FMR1: variants seen among roughly 807,000 people sequenced by gnomAD.
FMR1 encodes FMRP translational regulator 1.
Under a neutral mutation model 50.6 loss-of-function variants are expected in FMR1, and 13 were observed. That is an observed-to-expected ratio of 0.26 (90% CI 0.17 to 0.41). FMR1 has a LOEUF of 0.41. Ranked by LOEUF, FMR1 falls within the 10% of genes least tolerant of loss-of-function variation. The pLI, the probability that FMR1 is intolerant of heterozygous loss-of-function variation, is 1.00. For synonymous variants in FMR1, 138 were observed against 164.1 expected, an observed-to-expected ratio of 0.84 and a Z score of 1.22; for missense variants, 316 against 491.3, an observed-to-expected ratio of 0.64 and a Z score of 3.37.
At position 147,937,697 on chromosome X, in the gene FMR1, C is replaced by A. The variant is rs2043838401; in HGVS notation, c.1125+97C>A. On this transcript the variant is annotated intron_variant, in intron 11 of 16. Transcript: ENST00000370475. The stretch of plus-strand genomic sequence containing the variant: ...TGTTTTCTCTGGTTAGACTTGTAGG[C>A]TACTTATGTTCTATTTTTTTTCCAA... The A allele has an allele frequency of 6.3e-5, 35 of 555,071 alleles. No individual in the cohort carries two copies. In the South Asian group the frequency reaches 8.3e-4, roughly 13 times the overall value. 45.7% of individuals were successfully genotyped at this position (555,071 alleles called of 1,213,427 possible).
chrX:147,937,327 T>G, intron 10 of FMR1, 139 bp from the exon 11 acceptor site: 1 of 467,136 alleles, frequency 2.1e-6, no homozygotes, highest in East Asian at 3.8e-5. Context: ...ACAATTTGTA[T>G]TCGGTAATTT....
rs1240273553 is a variant in FMR1, at chrX:147,950,806, G to GA, written c.*1967dup. ...CTTTCAAGAACTTGTTTAATAAAGC[G>GA]AAAAACTCAACCAAATGGTACAAAA... is the stretch of plus-strand genomic sequence containing the variant. On this transcript the variant is annotated 3_prime_UTR_variant, in exon 17 of 17. Coordinates refer to ENST00000370475, the MANE Select transcript of FMR1 (RefSeq NM_002024.6). The GA allele has an allele frequency of 8.6e-5, 26 of 303,960 alleles. No homozygotes were observed. Among genetic ancestry groups the GA allele is most frequent in the Non-Finnish European group, 1.5e-4 (24 of 160,734 alleles). 25.0% of individuals were successfully genotyped at this position (303,960 alleles called of 1,213,427 possible).
Position 147,943,309 on chromosome X carries a change from G to T in FMR1, c.1454G>T (p.Gly485Val). The change falls in exon 14 of 17, where the codon GGT becomes GTT. Residue 485 changes from glycine (G) to valine (V), a missense_variant. Around this residue, in one of 4 missense-constraint regions of FMR1, gnomAD observed 124 missense variants for 160.8 expected, o/e 0.77. Transcript: ENST00000370475. ...AGAAATAGGGGGCACGGCAGACGCG[G>T]TCCTGGATATACTTCAGGTACAAAC... ...PYRNRGHGRR[G>V]PGYTSGTNSE... 1 of 1,208,359 alleles carries T rather than the reference G, an allele frequency of 8.3e-7. No individual in the cohort carries two copies. The highest frequency in any genetic ancestry group is 1.1e-6 in the Non-Finnish European group (1 of 892,563).
chrX:147,921,948 G>A lies in FMR1; in HGVS notation c.67G>A (p.Val23Ile). Reference protein sequence around the residue: ...GAFYKAFVKDVHEDSITVAFE... With the variant: ...GAFYKAFVKDIHEDSITVAFE... The stretch of plus-strand genomic sequence containing the variant: ...TCTTACACAGGCATTTGTAAAGGAT[G>A]TTCATGAAGATTCAATAACAGTTGC... The change falls in exon 2 of 17, where the codon GTT becomes ATT. Residue 23 changes from valine to isoleucine, a missense_variant. This residue lies in a region of FMR1 where 124 missense variants were observed against 238.1 expected (regional missense o/e 0.52). Coordinates refer to ENST00000370475, the MANE Select transcript of FMR1 (RefSeq NM_002024.6). The A allele has an allele frequency of 8.7e-7, 1 of 1,151,386 alleles. No individual in the cohort carries two copies. The highest frequency in any genetic ancestry group is 1.8e-5 in the South Asian group (1 of 55,133). The allele number at this position is 1,151,386 out of a possible 1,213,427, so 94.9% of individuals were successfully genotyped here.
intron 16 of FMR1, among the ~76,000 whole-genome samples, chrX:147,946,125 C>T (rs1361169131): frequency 1.1e-5 from 1 of 93,459 alleles, no homozygotes; most frequent in Non-Finnish European, 2.1e-5. Context: ...GATCTGCCCA[C>T]CTTGGCCTCC....
chrX:147,932,048 T>A (rs1046201718), intron 7 of FMR1, among the ~76,000 whole-genome samples: 1 of 111,790 alleles, frequency 8.9e-6, no homozygotes, highest in Non-Finnish European at 1.9e-5. Context: ...TTTACCTAAA[T>A]AAGTAACATT....
At position 147,951,040 on chromosome X, in the gene FMR1, A is replaced by T. The variant is rs782777770; in HGVS notation, c.*2196A>T. 4.1e-6 allele frequency: 1 copy of T among 242,784 alleles called. No individual in the cohort carries two copies. The highest frequency in any genetic ancestry group is 7.8e-6 in the Non-Finnish European group (1 of 127,857). 20.0% of individuals were successfully genotyped at this position (242,784 alleles called of 1,213,427 possible). A position where few individuals can be genotyped will look rare whatever the true frequency, so the allele number is the denominator to read the frequency against. On this transcript the variant is annotated 3_prime_UTR_variant, in exon 17 of 17. Coordinates refer to ENST00000370475, the MANE Select transcript of FMR1 (RefSeq NM_002024.6). ...AGTTCAAAGTCATGATGTTTTTAAA[A>T]TCTTATTAAAGTTTCAAAAATCTGA...
intron 1 of FMR1, among the ~76,000 whole-genome samples, chrX:147,919,512 A>G (rs1323433738): frequency 8.9e-6 from 1 of 112,657 alleles, no homozygotes; most frequent in East Asian, 2.8e-4. Flanking sequence ...AATATTGGTC[A>G]TTTAAATATA....
chrX:147,942,265 T>C lies in FMR1; in HGVS notation c.1276-866T>C, dbSNP rs1055860850. The stretch of plus-strand genomic sequence containing the variant: ...TCTGCTTCACTGAGACGCCTACTAC[T>C]ACTATAGTTATGAATCTGATTCCCC... On this transcript the variant is annotated intron_variant, in intron 13 of 16. Transcript: ENST00000370475. Among the ~76,000 whole-genome samples, 4 of 112,160 alleles carry C rather than the reference T, an allele frequency of 3.6e-5. No individual in the cohort carries two copies. The Admixed American group carries it at 3.8e-4, about 11-fold the overall frequency.
chrX:147,939,235 C>T (rs2124548037), intron 12 of FMR1, among the ~76,000 whole-genome samples: 1 of 109,552 alleles, frequency 9.1e-6, no homozygotes, highest in East Asian at 2.8e-4. Flanking sequence ...TTCCCTATAA[C>T]TTGTGACAAG....
At chrX:147,941,741 A>T (rs945084704) in intron 13 of FMR1, among the ~76,000 whole-genome samples, 1 of 111,475 alleles carries the variant, frequency 9.0e-6, no homozygotes, top group Non-Finnish European at 1.9e-5. Context: ...AGCTTAAATC[A>T]TCATGAAGGC....
intron 2 of FMR1, among the ~76,000 whole-genome samples, chrX:147,923,769 G>T (rs945244195): frequency 8.9e-6 from 1 of 111,788 alleles, no homozygotes; most frequent in East Asian, 2.8e-4. Context: ...TGTGTTCATG[G>T]AGTATGTTTG....
intron 1 of FMR1, among the ~76,000 whole-genome samples, chrX:147,920,655 CTTACTG>C (rs1261057144): frequency 8.9e-6 from 1 of 111,973 alleles, no homozygotes; most frequent in Admixed American, 9.5e-5. Flanking sequence ...CCTCAGAAAA[CTTACTG>C]TTAGTGAGAA....
chrX:147,948,654 G>A, intron 16 of FMR1, 29 bp from the exon 17 acceptor site: 13 of 1,211,546 alleles, frequency 1.1e-5, no homozygotes, highest in Non-Finnish European at 1.5e-5. Context: ...GATATGGTCT[G>A]TGTATATAAC....
chrX:147,948,418 G>T, intron 16 of FMR1: 1 of 981,434 alleles, frequency 1.0e-6, no homozygotes, highest in Non-Finnish European at 1.3e-6. Context: ...CTTAGAAGAA[G>T]ACATGATAGG....
intron 9 of FMR1, chrX:147,933,264 T>G: frequency 3.0e-6 from 1 of 329,824 alleles, no homozygotes; most frequent in Non-Finnish European, 5.2e-6. Flanking sequence ...CCCTCCTGAC[T>G]GTATACCTTT....
rs781892909 is a variant in FMR1 at position 147,938,100 on chromosome X, T to G, written c.1127T>G (p.Val376Gly). The G allele has an allele frequency of 1.7e-6, 2 of 1,202,059 alleles. No homozygotes were observed. The highest frequency in any genetic ancestry group is 3.5e-5 in the African/African-American group (2 of 57,141). ...SQPNSTKVQR[V>G]LVASSVVAGE... ...CTTGCATTCCTTATACTGCTTTAGG[T>G]GTTAGTGGCTTCATCAGTTGTAGCA... Residue 376 changes from valine (V) to glycine (G), a missense_variant and splice_region_variant, in exon 12 of 17, where the codon GTG becomes GGG. By Grantham distance (109) the Val-to-Gly change is moderately radical (BLOSUM62 -3). Coordinates refer to ENST00000370475, the MANE Select transcript of FMR1 (RefSeq NM_002024.6).
intron 1 of FMR1, chrX:147,914,544 C>T (rs1015290382): frequency 8.9e-6 from 1 of 112,096 alleles, no homozygotes; most frequent in Non-Finnish European, 1.9e-5. Context: ...ACAAATCAAA[C>T]AACTTGAGTA....
At position 147,932,772 on chromosome X, in the gene FMR1, G is replaced by A. The variant is rs2124521707; in HGVS notation, c.880+9G>A. The stretch of plus-strand genomic sequence containing the variant: ...TCCAAGGAACTTAGTAGGTAAGTCA[G>A]AAGTATCTGTTGACATATAGTACAA... On this transcript the variant is annotated intron_variant, in intron 9 of 16. Coordinates refer to ENST00000370475, the MANE Select transcript of FMR1 (RefSeq NM_002024.6). The A allele has an allele frequency of 1.8e-6, 2 of 1,121,822 alleles. No homozygotes were observed. The highest frequency in any genetic ancestry group is 3.0e-5 in the East Asian group (1 of 33,461). The allele number at this position is 1,121,822 out of a possible 1,213,427, so 92.5% of individuals were successfully genotyped here.
Sources: allele counts gnomAD v4.1 joint callset (sites outside exome capture counted in the v4.1 genomes callset), GRCh38; gene constraint gnomAD v4.1.1; regional missense constraint gnomAD v4.1.1; transcripts MANE v1.5; gene names NCBI Gene and HGNC (gene_info 2026-07-23, HGNC 2026-07-21).